The following ST18 variants were observed in gnomAD, a reference collection of about 807,000 sequenced individuals.
The protein encoded by ST18 is suppression of tumorigenicity 18 protein.
In ST18, 50 loss-of-function variants were observed where a neutral mutation model predicts 110.0. The observed-to-expected ratio is 0.45, with a 90% CI of 0.36 to 0.58. The LOEUF is 0.58. ST18 is among the 20% of genes least tolerant of loss of function. The pLI, the probability that ST18 is intolerant of heterozygous loss-of-function variation, is 0.00. For synonymous variants in ST18, 461 were observed against 452.4 expected (o/e 1.02, Z -0.24); for missense variants, 1,306 against 1,280.1 (o/e 1.02, Z -0.31).
At chr8:52,340,003 T>C (rs549902230) in intron 2 of ST18, among the ~76,000 whole-genome samples, 2 of 152,382 alleles carry the variant, frequency 1.3e-5, no homozygotes, top group East Asian at 1.9e-4. Context: ...AATTTTGCTG[T>C]AAAGTGTTAA....
intron 9 of ST18, among the ~76,000 whole-genome samples, chr8:52,179,285 A>G (rs1240647508): frequency 6.6e-6 from 1 of 152,236 alleles, no homozygotes; most frequent in Non-Finnish European, 1.5e-5. Context: ...ACTAATGTGA[A>G]TAACATTCAA....
intron 2 of ST18, among the ~76,000 whole-genome samples, chr8:52,263,222 G>A (rs1001209680): frequency 2.0e-5 from 3 of 152,218 alleles, no homozygotes; most frequent in Admixed American, 2.0e-4. Context: ...TACAGAGAGG[G>A]TGTGGTTGCT....
chr8:52,332,306 T>G (rs994085738), intron 2 of ST18, among the ~76,000 whole-genome samples: 1 of 152,104 alleles, frequency 6.6e-6, no homozygotes, highest in Admixed American at 6.5e-5. Context: ...ATGCATGTTT[T>G]TCTTTTTTAA....
At chr8:52,240,721 C>A (rs138244820) in intron 2 of ST18, among the ~76,000 whole-genome samples, 1 of 152,162 alleles carries the variant, frequency 6.6e-6, no homozygotes, top group Non-Finnish European at 1.5e-5. Flanking sequence ...CTTTTCTTAC[C>A]TTGCTTTCAC....
At chr8:52,136,515 G>A in intron 19 of ST18, 75 bp downstream of exon 19, 1 of 1,415,144 alleles carries the variant, frequency 7.1e-7, no homozygotes, top group Non-Finnish European at 9.8e-7. Flanking sequence ...GATCACTTGG[G>A]CAATGAATGG....
intron 6 of ST18, 183 bp from the exon 7 acceptor site, chr8:52,214,440 A>T (rs865837592): frequency 1.5e-5 from 9 of 590,134 alleles, no homozygotes; most frequent in Non-Finnish European, 2.7e-5. Flanking sequence ...TTGGAAATAC[A>T]TCTACAGTTG....
At chr8:52,374,726 C>T (rs943752407) in intron 2 of ST18, among the ~76,000 whole-genome samples, 1 of 152,022 alleles carries the variant, frequency 6.6e-6, no homozygotes, top group African/African-American at 2.4e-5. Flanking sequence ...TTATTCCCCT[C>T]CCTGTGTCCA....
chr8:52,211,377 AATTATTATTATTATTATT>A (rs3054637), intron 8 of ST18, among the ~76,000 whole-genome samples: 50 of 138,444 alleles, frequency 3.6e-4, no homozygotes, highest in Middle Eastern at 7.5e-3. Flanking sequence ...GGAATCATCT[AATTATTATTATTATTATT>A]ATTATTATTA....
At chr8:52,159,252 A>C in intron 14 of ST18, 143 bp from the exon 15 acceptor site, 1 of 774,276 alleles carries the variant, frequency 1.3e-6, no homozygotes, top group South Asian at 1.9e-5. Flanking sequence ...TGGGAACATT[A>C]AATGAAGGTT....
At position 52,195,850 on chromosome 8, in the gene ST18, A is replaced by G. The variant is rs2076031136; in HGVS notation, c.87-15538T>C. ...GTTTGTATTTCTAACCAAAAAATAA[A>G]GTAAAACAATAAGAGCTGTGAAATG... is the stretch of plus-strand genomic sequence containing the variant. On this transcript the variant is annotated intron_variant, in intron 8 of 25. Transcript: ENST00000689386. Among the ~76,000 whole-genome samples the G allele has an allele frequency of 2.0e-5, 3 of 152,342 alleles. 1 individual carries two copies. In the South Asian group the frequency reaches 6.2e-4, roughly 32 times the overall value.
chr8:52,188,581 A>C (rs2073276631), intron 8 of ST18, among the ~76,000 whole-genome samples: 1 of 152,224 alleles, frequency 6.6e-6, no homozygotes, highest in Non-Finnish European at 1.5e-5. Flanking sequence ...GTGTTTTGAT[A>C]GAGTGACGGG....
chr8:52,329,249 CTG>C (rs377367312), intron 2 of ST18, among the ~76,000 whole-genome samples: 3 of 137,530 alleles, frequency 2.2e-5, no homozygotes, highest in African/African-American at 5.4e-5. Context: ...GTGTGTGTTT[CTG>C]TGTGTGTGTG....
intron 2 of ST18, among the ~76,000 whole-genome samples, chr8:52,259,840 C>G (rs1245830790): frequency 1.3e-5 from 2 of 152,200 alleles, no homozygotes; most frequent in Non-Finnish European, 2.9e-5. Context: ...CACATCCTAC[C>G]AGACCAGTAA....
At chr8:52,195,665 C>A (rs563524049) in intron 8 of ST18, among the ~76,000 whole-genome samples, 1 of 152,124 alleles carries the variant, frequency 6.6e-6, no homozygotes, top group South Asian at 2.1e-4. Context: ...TAGATTGTAT[C>A]TGCTAAAAAA....
intron 2 of ST18, among the ~76,000 whole-genome samples, chr8:52,344,405 CTT>C (rs11297921): frequency 1.1e-3 from 167 of 146,356 alleles, no homozygotes; most frequent in Admixed American, 1.4e-3. Context: ...CAATAATAGC[CTT>C]TTTTTTTTTT....
intron 8 of ST18, among the ~76,000 whole-genome samples, chr8:52,203,953 C>A (rs2079001054): frequency 6.6e-6 from 1 of 152,196 alleles, no homozygotes; most frequent in Non-Finnish European, 1.5e-5. Context: ...ATTAAATACT[C>A]TCAGAACACA....
chr8:52,388,874 G>A (rs1228575335), intron 2 of ST18, among the ~76,000 whole-genome samples: 1 of 148,840 alleles, frequency 6.7e-6, no homozygotes, highest in East Asian at 2.0e-4. Flanking sequence ...TAAATGATGA[G>A]TTAATGGGTG....
At chr8:52,166,549 C>T (rs1257715802) in intron 11 of ST18, among the ~76,000 whole-genome samples, 3 of 152,200 alleles carry the variant, frequency 2.0e-5, no homozygotes, top group Non-Finnish European at 4.4e-5. Context: ...ACTCCCTCTA[C>T]CCCTGAACTC....
intron 2 of ST18, among the ~76,000 whole-genome samples, chr8:52,277,427 T>C (rs535183507): frequency 6.6e-6 from 1 of 152,336 alleles, no homozygotes; most frequent in Admixed American, 6.5e-5. Flanking sequence ...TAGCAGAATG[T>C]AGTACTTTTC....
Sources: gnomAD v4.1 joint callset for allele counts (sites outside exome capture counted in the v4.1 genomes callset) on GRCh38, gnomAD v4.1.1 for gene constraint, MANE v1.5 for transcripts, NCBI Gene and HGNC (gene_info 2026-07-23, HGNC 2026-07-21) for gene names.